The following CIMIP4 variants were observed in gnomAD, a reference collection of about 807,000 sequenced individuals.
The protein encoded by CIMIP4 is protein EAN57.
chr22:36,991,663 G>T, the CIMIP4 span: 4 of 1,230,980 alleles, frequency 3.2e-6, no homozygotes, highest in African/African-American at 1.5e-5. Context: ...CTTATATTGG[G>T]TGTCAGTTTC....
chr22:36,991,808 A>G, the CIMIP4 span, among the ~76,000 whole-genome samples: 5 of 152,002 alleles, frequency 3.3e-5, no homozygotes, highest in South Asian at 1.0e-3. Flanking sequence ...TCTGAGCTTC[A>G]GTGTCTTCAA....
the CIMIP4 span, among the ~76,000 whole-genome samples, chr22:37,005,562 T>C: frequency 6.6e-6 from 1 of 152,022 alleles, no homozygotes; most frequent in South Asian, 2.1e-4. Flanking sequence ...AGTTTTTTTT[T>C]TTTTTTAAGC....
chr22:36,991,587 A>C, the CIMIP4 span: 1 of 1,614,172 alleles, frequency 6.2e-7, no homozygotes, highest in Non-Finnish European at 8.5e-7. Flanking sequence ...TCTCCTCAGC[A>C]GCCCCTGTAG....
At chr22:37,007,046 T>C in the CIMIP4 span, among the ~76,000 whole-genome samples, 1 of 152,152 alleles carries the variant, frequency 6.6e-6, no homozygotes, top group Non-Finnish European at 1.5e-5. Flanking sequence ...GGGTTCCTTC[T>C]CTGGTCGAGC....
At chr22:36,991,314 C>A in the CIMIP4 span, 1 of 1,607,868 alleles carries the variant, frequency 6.2e-7, no homozygotes, top group Non-Finnish European at 8.5e-7. Flanking sequence ...CAGATTAGAT[C>A]ATCTGGCAGT....
the CIMIP4 span, chr22:36,991,360 C>G: frequency 1.3e-6 from 2 of 1,559,740 alleles, no homozygotes; most frequent in East Asian, 4.5e-5. Flanking sequence ...ATGACTCGTA[C>G]CTCTTCCAAG....
At chr22:37,006,569 G>A in the CIMIP4 span, among the ~76,000 whole-genome samples, 2 of 152,210 alleles carry the variant, frequency 1.3e-5, no homozygotes, top group African/African-American at 4.8e-5. Context: ...AACGACACTG[G>A]AGGAGCCTCA....
At chr22:36,992,709 A>G in the CIMIP4 span, among the ~76,000 whole-genome samples, 1 of 152,164 alleles carries the variant, frequency 6.6e-6, no homozygotes, top group Non-Finnish European at 1.5e-5. Context: ...AAAAGTTTAA[A>G]AAGAAATTCA....
At chr22:37,002,003 G>A in the CIMIP4 span, 7 of 1,613,732 alleles carry the variant, frequency 4.3e-6, no homozygotes, top group East Asian at 6.7e-5. Flanking sequence ...CTCTCCCGAG[G>A]TGGCCCTGTT....
chr22:36,998,289 C>T, the CIMIP4 span, among the ~76,000 whole-genome samples: 1 of 152,166 alleles, frequency 6.6e-6, no homozygotes, highest in African/African-American at 2.4e-5. Context: ...TCTCGCTTTC[C>T]TCCCTGACAC....
chr22:36,995,504 C>A, the CIMIP4 span, among the ~76,000 whole-genome samples: 57 of 152,284 alleles, frequency 3.7e-4, no homozygotes, highest in African/African-American at 1.4e-3. Context: ...TGCAGGCCAT[C>A]CCACATGGTT....
chr22:36,992,272 G>A, the CIMIP4 span, among the ~76,000 whole-genome samples: 39 of 152,226 alleles, frequency 2.6e-4, no homozygotes, highest in African/African-American at 8.9e-4. Context: ...GCTTGAACCC[G>A]GGAGGCGGAG....
the CIMIP4 span, among the ~76,000 whole-genome samples, chr22:36,994,777 C>T: frequency 6.6e-6 from 1 of 151,838 alleles, no homozygotes; most frequent in Non-Finnish European, 1.5e-5. Context: ...ACTACAGGCG[C>T]CCGCCACCGC....
chr22:37,003,927 G>T, the CIMIP4 span: 1 of 1,533,166 alleles, frequency 6.5e-7, no homozygotes. Context: ...CCAGAAGCCT[G>T]GATGTGCATT....
the CIMIP4 span, chr22:37,007,323 T>C: frequency 3.3e-5 from 5 of 152,324 alleles, no homozygotes; most frequent in African/African-American, 1.2e-4. Context: ...CACTACTAAT[T>C]TATCTTCTTT....
chr22:37,000,194 G>A, the CIMIP4 span, among the ~76,000 whole-genome samples: 1 of 152,056 alleles, frequency 6.6e-6, no homozygotes. Flanking sequence ...GCTGTGGGTG[G>A]GGGGCATCAA....
At chr22:36,991,452 C>T in the CIMIP4 span, 8 of 1,606,738 alleles carry the variant, frequency 5.0e-6, no homozygotes, top group Non-Finnish European at 6.8e-6. Flanking sequence ...ACAGTCCCTG[C>T]CTCCCATCAC....
At chr22:36,995,635 C>A in the CIMIP4 span, among the ~76,000 whole-genome samples, 2 of 152,304 alleles carry the variant, frequency 1.3e-5, no homozygotes, top group East Asian at 3.9e-4. Context: ...GACCCAGAGC[C>A]AGCTCCATTT....
At chr22:37,000,029 T>A in the CIMIP4 span, 1 of 1,582,046 alleles carries the variant, frequency 6.3e-7, no homozygotes, top group South Asian at 1.2e-5. Flanking sequence ...GGAAAAGCAG[T>A]TTCAAGCCCC....
Sources: allele counts gnomAD v4.1 joint callset (sites outside exome capture counted in the v4.1 genomes callset), GRCh38; gene constraint gnomAD v4.1.1; transcripts MANE v1.5; gene names NCBI Gene and HGNC (gene_info 2026-07-23, HGNC 2026-07-21).